The following BAZ1B variants were observed in gnomAD, a reference collection of about 807,000 sequenced individuals.
BAZ1B encodes bromodomain adjacent to zinc finger domain 1B.
Under a neutral mutation model 153.8 loss-of-function variants are expected in BAZ1B, and 22 were observed. The observed-to-expected ratio is 0.14, with a 90% confidence interval of 0.10 to 0.20. The LOEUF is 0.20. Ranked by LOEUF, BAZ1B falls within the 10% of genes least tolerant of loss-of-function variation. The pLI, the probability that BAZ1B is intolerant of heterozygous loss-of-function variation, is 1.00. For missense variants in BAZ1B, 1,325 were observed against 1,799.3 expected (o/e 0.74, Z 4.77); for synonymous variants, 676 against 633.4 (o/e 1.07, Z -1.01).
At chr7:73,491,747 T>C (rs1267405631) in intron 5 of BAZ1B, among the ~76,000 whole-genome samples, 1 of 152,132 alleles carries the variant, frequency 6.6e-6, no homozygotes, top group African/African-American at 2.4e-5. Flanking sequence ...AGCAAAAGAT[T>C]TGGGTTACAA....
intron 17 of BAZ1B, 109 bp downstream of exon 17, chr7:73,443,875 G>A (rs568946576): frequency 3.3e-6 from 5 of 1,533,550 alleles, no homozygotes; most frequent in Non-Finnish European, 4.4e-6. Context: ...TTGGTAAGAA[G>A]GAGGAGGGGG....
chr7:73,501,979 C>G (rs1296707811), intron 3 of BAZ1B, among the ~76,000 whole-genome samples: 2 of 151,530 alleles, frequency 1.3e-5, no homozygotes, highest in African/African-American at 4.9e-5. Context: ...CAACCTCCAC[C>G]TCCTGGGTTC....
intron 4 of BAZ1B, among the ~76,000 whole-genome samples, chr7:73,497,084 C>CAAAAAAAAAAA (rs71071939): frequency 8.9e-6 from 1 of 112,236 alleles, no homozygotes; most frequent in African/African-American, 4.0e-5. Context: ...AAAAAAAAAA[C>CAAAAAAAAAAA]CTACAAAAAT....
intron 1 of BAZ1B, 34 bp downstream of exon 1, chr7:73,521,773 CCCTACCCCGGCCCAGCCCGG>C: frequency 1.4e-6 from 2 of 1,409,980 alleles, no homozygotes; most frequent in Middle Eastern, 1.8e-4. Context: ...GAGCCCCAGG[CCCTACCCCGGCCCAGCCCGG>C]CCCAGCCCGG....
intron 1 of BAZ1B, 152 bp from the exon 2 acceptor site, chr7:73,511,004 G>A: frequency 1.6e-6 from 1 of 641,100 alleles, no homozygotes; most frequent in East Asian, 2.9e-5. Flanking sequence ...GGGCGCAGTG[G>A]TTCACGCCTG....
intron 19 of BAZ1B, 134 bp from the exon 20 acceptor site, chr7:73,441,827 C>G (rs1395729470): frequency 3.6e-6 from 1 of 277,796 alleles, no homozygotes; most frequent in Non-Finnish European, 6.8e-6. Flanking sequence ...CTATGTAACA[C>G]AGCAATCCCT....
chr7:73,502,149 A>G (rs1236488234), intron 3 of BAZ1B, among the ~76,000 whole-genome samples: 3 of 151,888 alleles, frequency 2.0e-5, no homozygotes, highest in Non-Finnish European at 2.9e-5. Flanking sequence ...TCGGCCTCCC[A>G]AAGTGCTGGG....
chr7:73,493,017 A>G lies in BAZ1B; in HGVS notation c.572-96T>C, dbSNP rs1563390955. ...CTTAACTGAACGTCTGCTCTTCACT[A>G]GGCACTGGGTGATGCAGTACAAAAA... On this transcript the variant is annotated intron_variant, in intron 4 of 19. Coordinates refer to ENST00000339594, the MANE Select transcript of BAZ1B (RefSeq NM_032408.4). 3.0e-6 allele frequency: 4 copies of G among 1,313,010 alleles called. No individual in the cohort carries two copies. In the East Asian group the frequency reaches 9.5e-5, roughly 31 times the overall value. 81.3% of individuals were successfully genotyped at this position (1,313,010 alleles called of 1,614,324 possible).
At chr7:73,490,789 G>A (rs1326085792) in intron 5 of BAZ1B, among the ~76,000 whole-genome samples, 2 of 151,466 alleles carry the variant, frequency 1.3e-5, no homozygotes, top group Non-Finnish European at 2.9e-5. Context: ...ATTTTTAGTA[G>A]AGATGGGGTT....
At chr7:73,515,343 T>A (rs1790753660) in intron 1 of BAZ1B, among the ~76,000 whole-genome samples, 1 of 152,050 alleles carries the variant, frequency 6.6e-6, no homozygotes, top group Non-Finnish European at 1.5e-5. Flanking sequence ...GGAATGTACC[T>A]CCCCTCTTCA....
chr7:73,508,571 T>G (rs1790439622), intron 2 of BAZ1B, 100 bp from the exon 3 acceptor site: 3 of 1,339,272 alleles, frequency 2.2e-6, no homozygotes, highest in African/African-American at 1.5e-5. Context: ...TTCCAAACAT[T>G]TCAAACATTT....
chr7:73,489,569 A>T (rs782483191), intron 5 of BAZ1B, among the ~76,000 whole-genome samples, 178 bp from the exon 6 acceptor site: 4 of 152,186 alleles, frequency 2.6e-5, no homozygotes, highest in Non-Finnish European at 5.9e-5. Context: ...AATCTCATCA[A>T]CTCAGGAGGC....
Position 73,510,772 on chromosome 7 carries a change from T to C in BAZ1B, c.188A>G (p.Lys63Arg). The change falls in exon 2 of 20, where the codon AAG (lysine) becomes AGG (arginine). Residue 63 changes from lysine (K) to arginine (R), a missense_variant. Coordinates refer to ENST00000339594, the MANE Select transcript of BAZ1B (RefSeq NM_032408.4). ...KSTGSSQLTH[K>R]EAWEEEQEVA... ...TTCCTGTTCTTCCTCCCAGGCTTCC[T>C]TGTGTGTTAGCTGACTGCTTCCAGT... The C allele has an allele frequency of 6.2e-7, 1 of 1,614,158 alleles. No individual in the cohort carries two copies.
At chr7:73,475,938 A>AC in intron 7 of BAZ1B, among the ~76,000 whole-genome samples, 1 of 152,114 alleles carries the variant, frequency 6.6e-6, no homozygotes, top group Non-Finnish European at 1.5e-5. Context: ...AAAAAAAAAA[A>AC]AAAATGTTTT....
intron 17 of BAZ1B, 47 bp downstream of exon 17, chr7:73,443,937 G>T (rs781995816): frequency 1.9e-6 from 3 of 1,610,108 alleles, no homozygotes; most frequent in Admixed American, 1.7e-5. Context: ...CTGGGGTAGG[G>T]AATAAGAAAC....
At chr7:73,494,577 T>A in intron 4 of BAZ1B, among the ~76,000 whole-genome samples, 1 of 151,736 alleles carries the variant, frequency 6.6e-6, no homozygotes, top group Admixed American at 6.6e-5. Context: ...AGACCCTGTC[T>A]CTAAACAAAC....
chr7:73,494,028 C>A (rs1318395436), intron 4 of BAZ1B, among the ~76,000 whole-genome samples: 7 of 152,038 alleles, frequency 4.6e-5, no homozygotes, highest in African/African-American at 1.7e-4. Flanking sequence ...GTCTTGCTAG[C>A]ACTAGAGAAC....
chr7:73,501,887 ATTTTT>A (rs200718272), intron 3 of BAZ1B, among the ~76,000 whole-genome samples: 3 of 133,116 alleles, frequency 2.3e-5, no homozygotes, highest in East Asian at 2.1e-4. Flanking sequence ...CTTATCAAGA[ATTTTT>A]TTTTTTTTTT....
intron 3 of BAZ1B, among the ~76,000 whole-genome samples, chr7:73,503,753 C>A (rs1294371911): frequency 6.6e-6 from 1 of 152,134 alleles, no homozygotes; most frequent in Non-Finnish European, 1.5e-5. Context: ...AATTCCATTT[C>A]CATCCTTCTC....
Sources: gnomAD v4.1 joint callset for allele counts (sites outside exome capture counted in the v4.1 genomes callset) on GRCh38, gnomAD v4.1.1 for gene constraint, MANE v1.5 for transcripts, NCBI Gene and HGNC (gene_info 2026-07-23, HGNC 2026-07-21) for gene names.